Variants in ME1 observed in about 807,000 individuals in gnomAD.
ME1 encodes the protein NADP-dependent malic enzyme.
In ME1, 74 loss-of-function variants were observed where a neutral mutation model predicts 66.4. The ratio of observed to expected loss-of-function variants is 1.11; its 90% confidence interval spans 0.92 to 1.35. The LOEUF (loss-of-function observed/expected upper bound fraction) is 1.35. Among genes scored for constraint, ME1 ranks in the 40% most tolerant of loss-of-function variants. ME1 has a pLI of 0.00. For synonymous variants in ME1, 251 were observed against 235.6 expected (o/e 1.07, Z -0.60); for missense variants, 750 against 694.1 (o/e 1.08, Z -0.90).
intron 12 of ME1, among the ~76,000 whole-genome samples, chr6:83,216,862 T>C (rs1790004252): frequency 6.6e-6 from 1 of 152,098 alleles, no homozygotes; most frequent in African/African-American, 2.4e-5. Context: ...TATTGTACCA[T>C]GAAATGCTAG....
At chr6:83,313,096 G>A (rs1166925063) in intron 6 of ME1, among the ~76,000 whole-genome samples, 2 of 152,108 alleles carry the variant, frequency 1.3e-5, no homozygotes, top group African/African-American at 2.4e-5. Flanking sequence ...AGAGTCTGAT[G>A]TCTAGGTAAC....
chr6:83,308,736 C>G (rs1767874531), intron 6 of ME1, among the ~76,000 whole-genome samples: 1 of 149,856 alleles, frequency 6.7e-6, no homozygotes, highest in Non-Finnish European at 1.5e-5. Context: ...AAGAAAACTC[C>G]CTGCTTTCAT....
chr6:83,307,772 G>T (rs1767853453), intron 6 of ME1, among the ~76,000 whole-genome samples: 1 of 145,564 alleles, frequency 6.9e-6, no homozygotes, highest in Non-Finnish European at 1.5e-5. Context: ...CAGGGATTTA[G>T]TGTAGAGTTG....
chr6:83,264,289 T>C (rs1205376192), intron 6 of ME1, among the ~76,000 whole-genome samples: 1 of 152,198 alleles, frequency 6.6e-6, no homozygotes, highest in African/African-American at 2.4e-5. Flanking sequence ...TTCAAAATAT[T>C]GCTGCTTATT....
At chr6:83,280,597 A>C (rs187796126) in intron 6 of ME1, among the ~76,000 whole-genome samples, 12 of 152,332 alleles carry the variant, frequency 7.9e-5, no homozygotes, top group Admixed American at 5.9e-4. Flanking sequence ...TTTTGGAGCT[A>C]CTTATATTTC....
At chr6:83,411,916 T>G (rs892827049) in intron 1 of ME1, among the ~76,000 whole-genome samples, 1 of 152,218 alleles carries the variant, frequency 6.6e-6, no homozygotes, top group Non-Finnish European at 1.5e-5. Context: ...GAATGGTACG[T>G]TGTTTCACTG....
Position 83,211,852 on chromosome 6 carries a change from AG to A in ME1, c.*71del, listed in dbSNP as rs1562447433. On this transcript the variant is annotated 3_prime_UTR_variant, in exon 14 of 14. Coordinates refer to ENST00000369705, the MANE Select transcript of ME1 (RefSeq NM_002395.6). ...TAAGTGTCTTATGAATCATTATAAA[AG>A]ATTCCAACCTTTAAAAATTATGAAA... The A allele has an allele frequency of 9.7e-7, 1 of 1,036,050 alleles. No homozygotes were observed. Among genetic ancestry groups the A allele is most frequent in the Non-Finnish European group, 1.3e-6 (1 of 762,140 alleles). 64.2% of individuals were successfully genotyped at this position (1,036,050 alleles called of 1,614,324 possible).
rs769248185 is a variant in ME1 at position 83,237,836 on chromosome 6, T to C, written c.913-6A>G. 1.3e-6 allele frequency: 2 copies of C among 1,522,372 alleles called. No homozygotes were observed. Among genetic ancestry groups the C allele is most frequent in the South Asian group, 2.4e-5 (2 of 81,836 alleles). 94.3% of individuals were successfully genotyped at this position (1,522,372 alleles called of 1,614,324 possible). ...TGTGCAATCCCTAGGGCAGCCTCAG[T>C]GATGAAAAGAAAAAATTTTAAAGTT... On this transcript the variant is annotated splice_polypyrimidine_tract_variant and splice_region_variant and intron_variant, in intron 8 of 13. Transcript: ENST00000369705.
intron 1 of ME1, among the ~76,000 whole-genome samples, chr6:83,422,318 G>A (rs985716800): frequency 1.3e-5 from 2 of 152,200 alleles, no homozygotes; most frequent in Admixed American, 1.3e-4. Context: ...GCAGGCCACA[G>A]GTGGGTCCAA....
rs181298664 is a variant in ME1 at position 83,251,559 on chromosome 6, G to T, written c.814+2070C>A. On this transcript the variant is annotated intron_variant, in intron 7 of 13. Transcript: ENST00000369705. ...TAAGGAAAAAAGAAAAATAATTAGT[G>T]CTATGGCAGCCTATGAGGTGGAATT... Among the ~76,000 whole-genome samples the T allele has an allele frequency of 2.8e-4, 42 of 152,162 alleles. No individual in the cohort carries two copies. The East Asian group carries it at 5.0e-3, about 18-fold the overall frequency.
At chr6:83,270,444 T>C (rs1221940775) in intron 6 of ME1, among the ~76,000 whole-genome samples, 1 of 152,114 alleles carries the variant, frequency 6.6e-6, no homozygotes, top group Non-Finnish European at 1.5e-5. Flanking sequence ...ACAAATCCTA[T>C]TTAATTATTA....
At chr6:83,344,178 C>T (rs575360617) in intron 5 of ME1, among the ~76,000 whole-genome samples, 2 of 149,892 alleles carry the variant, frequency 1.3e-5, no homozygotes, top group Non-Finnish European at 3.0e-5. Context: ...CCCAGCTACT[C>T]GAAAGGCTGA....
intron 3 of ME1, among the ~76,000 whole-genome samples, chr6:83,385,541 T>C (rs1418498999): frequency 6.6e-6 from 1 of 151,966 alleles, no homozygotes; most frequent in Non-Finnish European, 1.5e-5. Flanking sequence ...GGAGAGCCGA[T>C]GAACTGTTAC....
Position 83,287,093 on chromosome 6 carries a change from C to T in ME1, c.704+28217G>A, listed in dbSNP as rs181754329. Among the ~76,000 whole-genome samples, 37 of 152,050 alleles carry T rather than the reference C, an allele frequency of 2.4e-4. No individual in the cohort carries two copies. In the East Asian group the frequency reaches 5.6e-3, roughly 23 times the overall value. On this transcript the variant is annotated intron_variant, in intron 6 of 13. Transcript: ENST00000369705. ...AAACTGTTTTTATGAAAATTTTCAT[C>T]GACAAATACTAAAAACGTTTTTATT...
At position 83,239,584 on chromosome 6, in the gene ME1, C is replaced by T. The variant is rs769229515; in HGVS notation, c.867G>A (p.Lys289=). Residue 289 remains lysine, a synonymous_variant, in exon 8 of 14, where the codon AAG becomes AAA. Coordinates refer to ENST00000369705, the MANE Select transcript of ME1 (RefSeq NM_002395.6). ...AGLLAALRIT[K]NKLSDQTILF... ...GTATTGTTTGATCAGACAGTTTGTT[C>T]TTGGTTATTCGAAGAGCTGCAAGGA... The T allele has an allele frequency of 6.2e-7, 1 of 1,613,378 alleles. No individual in the cohort carries two copies. Among genetic ancestry groups the T allele is most frequent in the Non-Finnish European group, 8.5e-7 (1 of 1,179,494 alleles).
intron 5 of ME1, among the ~76,000 whole-genome samples, chr6:83,334,270 C>T (rs1175497576): frequency 5.1e-5 from 7 of 138,176 alleles, no homozygotes; most frequent in Admixed American, 7.5e-5. Flanking sequence ...GCTTAAGAAA[C>T]GGCGCACCAC....
In ME1 at chr6:83,228,885, T is replaced by A; in HGVS notation, c.1073A>T (p.His358Leu). The part of the protein sequence containing the change: ...TQEKEKFAHE[H>L]EEMKNLEAIV... ...GGCTTCTAGGTTCTTCATTTCTTCA[T>A]GTTCATGGGCAAACTTCTCTTTCTC... The change falls in exon 10 of 14, where the codon CAT becomes CTT. Residue 358 changes from histidine (H) to leucine (L), a missense_variant. Transcript: ENST00000369705. The A allele has an allele frequency of 6.2e-7, 1 of 1,613,512 alleles. No homozygotes were observed. Among genetic ancestry groups the A allele is most frequent in the Non-Finnish European group, 8.5e-7 (1 of 1,179,858 alleles).
intron 6 of ME1, among the ~76,000 whole-genome samples, chr6:83,254,259 C>A (rs1790768122): frequency 6.6e-6 from 1 of 152,100 alleles, no homozygotes; most frequent in Non-Finnish European, 1.5e-5. Flanking sequence ...CCCTATTTGG[C>A]TATAATGTGG....
chr6:83,301,382 G>A lies in ME1; in HGVS notation c.704+13928C>T, dbSNP rs769271223. Among the ~76,000 whole-genome samples, 11 of 147,282 alleles carry A rather than the reference G, an allele frequency of 7.5e-5. No homozygotes were observed. In the East Asian group the frequency reaches 8.1e-4, roughly 11 times the overall value. Reference sequence around the variant, plus strand: ...TCTTGAGATGGAGTTGTGCTCAGTCGCCCAGACTAGAGTGCAGTGGCACAA... The same window carrying A: ...TCTTGAGATGGAGTTGTGCTCAGTCACCCAGACTAGAGTGCAGTGGCACAA... On this transcript the variant is annotated intron_variant, in intron 6 of 13. Coordinates refer to ENST00000369705, the MANE Select transcript of ME1 (RefSeq NM_002395.6).
Sources: allele counts gnomAD v4.1 joint callset (sites outside exome capture counted in the v4.1 genomes callset), GRCh38; gene constraint gnomAD v4.1.1; transcripts MANE v1.5; gene names NCBI Gene and HGNC (gene_info 2026-07-23, HGNC 2026-07-21).